INSL6: variants seen among roughly 807,000 people sequenced by gnomAD.
INSL6 encodes the protein insulin-like peptide INSL6.
INSL6 carries 16 observed loss-of-function variants against 9.4 expected under a neutral mutation model. The observed-to-expected ratio is 1.70, with a 90% CI of 1.15 to 2.59. The LOEUF (loss-of-function observed/expected upper bound fraction) is 2.59, where lower values mean the gene tolerates loss of function less well. Among genes scored for constraint, INSL6 ranks in the 30% most tolerant of loss-of-function variants. INSL6 has a pLI of 0.00. For missense variants in INSL6, 391 were observed against 257.3 expected (o/e 1.52, Z -3.56); for synonymous variants, 154 against 96.9 (o/e 1.59, Z -3.46).
chr9:5,046,261 G>C, the INSL6 span, among the ~76,000 whole-genome samples: 4 of 152,036 alleles, frequency 2.6e-5, no homozygotes, highest in Non-Finnish European at 5.9e-5. Context: ...TTTAAATCAG[G>C]TTGTTTGTTT....
intron 3 of INSL6, among the ~76,000 whole-genome samples, chr9:5,133,004 T>G (rs1455561372): frequency 2.0e-5 from 3 of 152,192 alleles, no homozygotes; most frequent in Non-Finnish European, 4.4e-5. Flanking sequence ...ATGTTGGACC[T>G]GGGGTAGTGA....
intron 3 of INSL6, chr9:5,132,814 G>A (rs1007673774): frequency 2.0e-5 from 3 of 152,192 alleles, no homozygotes; most frequent in African/African-American, 7.2e-5. Flanking sequence ...ACTTGAGGGT[G>A]AATCCTGATG....
At chr9:5,167,075 G>C (rs1825070409) in intron 1 of INSL6, among the ~76,000 whole-genome samples, 2 of 152,124 alleles carry the variant, frequency 1.3e-5, no homozygotes, top group Admixed American at 1.3e-4. Context: ...CATTGGGACT[G>C]ACTAGGAGGT....
the INSL6 span, among the ~76,000 whole-genome samples, chr9:5,060,613 AATTCT>A: frequency 1.3e-5 from 2 of 152,060 alleles, no homozygotes; most frequent in African/African-American, 4.8e-5. Flanking sequence ...CTCTACTTCT[AATTCT>A]AGTTCTCTTG....
chr9:5,041,041 A>T, the INSL6 span: 1 of 679,500 alleles, frequency 1.5e-6, no homozygotes, highest in Non-Finnish European at 2.7e-6. Context: ...TTCTACAAGC[A>T]GCTCAGCGCC....
intron 1 of INSL6, among the ~76,000 whole-genome samples, chr9:5,175,978 G>A (rs78019961): frequency 1.3e-5 from 2 of 152,130 alleles, no homozygotes; most frequent in South Asian, 2.1e-4. Context: ...TCCCCTCCCT[G>A]GTCCAAGGAA....
At chr9:4,992,434 C>T in the INSL6 span, among the ~76,000 whole-genome samples, 2 of 152,162 alleles carry the variant, frequency 1.3e-5, no homozygotes, top group African/African-American at 4.8e-5. Context: ...CAAGTTCACA[C>T]TGCAGAAGAA....
At chr9:5,090,401 A>G in the INSL6 span, 6 of 1,406,612 alleles carry the variant, frequency 4.3e-6, no homozygotes, top group Non-Finnish European at 5.7e-6. Context: ...TTTAATCAGT[A>G]TAATATGGCA....
At chr9:5,118,229 A>G in the INSL6 span, among the ~76,000 whole-genome samples, 2 of 152,212 alleles carry the variant, frequency 1.3e-5, no homozygotes, top group Admixed American at 6.5e-5. Flanking sequence ...TTATATGAAT[A>G]GACTTTTATT....
At chr9:5,061,347 G>C in the INSL6 span, among the ~76,000 whole-genome samples, 3 of 152,330 alleles carry the variant, frequency 2.0e-5, no homozygotes, top group African/African-American at 7.2e-5. Context: ...ACAGAAGGCT[G>C]TTTTGTTTAC....
intron 2 of INSL6, among the ~76,000 whole-genome samples, chr9:5,137,433 T>C (rs1199853444): frequency 2.6e-5 from 4 of 152,170 alleles, no homozygotes; most frequent in Admixed American, 6.5e-5. Flanking sequence ...TATAGACTAA[T>C]GGAACAGAAC....
intron 2 of INSL6, among the ~76,000 whole-genome samples, chr9:5,140,104 T>C (rs1033034437): frequency 1.3e-5 from 2 of 152,178 alleles, no homozygotes; most frequent in African/African-American, 4.8e-5. Context: ...CAGGTAAAAT[T>C]GAAGCAGCAT....
At chr9:5,183,533 G>C (rs577503743) in intron 1 of INSL6, among the ~76,000 whole-genome samples, 1 of 152,184 alleles carries the variant, frequency 6.6e-6, no homozygotes, top group Non-Finnish European at 1.5e-5. Context: ...TTTTAAGGTT[G>C]AACATTTTTA....
intron 2 of INSL6, among the ~76,000 whole-genome samples, chr9:5,157,526 A>C (rs951024332): frequency 6.6e-6 from 1 of 151,438 alleles, no homozygotes; most frequent in Non-Finnish European, 1.5e-5. Context: ...AATTTGCAGG[A>C]AAAAAAAAGA....
At chr9:5,080,689 T>C in the INSL6 span, 1 of 1,545,762 alleles carries the variant, frequency 6.5e-7, no homozygotes, top group South Asian at 1.3e-5. Flanking sequence ...TCCAGGTATG[T>C]ATTTGAATGA....
the INSL6 span, chr9:5,114,527 G>C: frequency 2.1e-6 from 1 of 466,434 alleles, no homozygotes. Flanking sequence ...TAGAAGAGCC[G>C]AGGAACCAGG....
intron 1 of INSL6, among the ~76,000 whole-genome samples, chr9:5,183,632 T>C (rs966539290): frequency 2.0e-5 from 3 of 152,128 alleles, no homozygotes; most frequent in Non-Finnish European, 4.4e-5. Flanking sequence ...GGTCTAAAAA[T>C]AAAATTTTGA....
At chr9:5,079,202 G>A in the INSL6 span, among the ~76,000 whole-genome samples, 2 of 152,084 alleles carry the variant, frequency 1.3e-5, no homozygotes, top group African/African-American at 2.4e-5. Context: ...CTGGTATCCT[G>A]GAAAATTTTA....
the INSL6 span, among the ~76,000 whole-genome samples, chr9:5,090,172 T>C: frequency 6.6e-6 from 1 of 152,256 alleles, no homozygotes; most frequent in African/African-American, 2.4e-5. Context: ...TCGATATCAA[T>C]GAGGAGAAAG....
Sources: gnomAD v4.1 joint callset for allele counts (sites outside exome capture counted in the v4.1 genomes callset) on GRCh38, gnomAD v4.1.1 for gene constraint, MANE v1.5 for transcripts, NCBI Gene and HGNC (gene_info 2026-07-23, HGNC 2026-07-21) for gene names.